Variants in CDH13 observed in about 807,000 individuals in gnomAD.
CDH13 encodes cadherin-13.
A neutral mutation model predicts 63.8 loss-of-function variants in CDH13; 24 were observed. That is an observed-to-expected ratio of 0.38 (90% CI 0.27 to 0.53). The LOEUF (loss-of-function observed/expected upper bound fraction) is 0.53. Among genes scored for constraint, CDH13 ranks in the 20% least tolerant of loss-of-function variants. The pLI, the probability that CDH13 is intolerant of heterozygous loss-of-function variation, is 0.85. For missense variants in CDH13, 1,049 were observed against 903.1 expected (o/e 1.16, Z -2.07); for synonymous variants, 503 against 355.3 (o/e 1.42, Z -4.67).
chr16:83,615,887 C>T (rs1909239925), intron 8 of CDH13, among the ~76,000 whole-genome samples: 1 of 152,218 alleles, frequency 6.6e-6, no homozygotes, highest in Non-Finnish European at 1.5e-5. Flanking sequence ...CTTCATTTCA[C>T]ATTTATCTTC....
chr16:83,478,524 C>T (rs1295025126), intron 6 of CDH13, among the ~76,000 whole-genome samples: 1 of 152,164 alleles, frequency 6.6e-6, no homozygotes, highest in East Asian at 1.9e-4. Flanking sequence ...GCTGGACCAC[C>T]ATATGAAAAT....
intron 3 of CDH13, among the ~76,000 whole-genome samples, chr16:83,124,150 A>G (rs896484399): frequency 2.6e-5 from 4 of 152,106 alleles, no homozygotes; most frequent in Middle Eastern, 3.4e-3. Context: ...GGTTCAAGCA[A>G]TTCTCCTGCC....
At chr16:83,264,517 T>C (rs1269118120) in intron 5 of CDH13, among the ~76,000 whole-genome samples, 3 of 148,124 alleles carry the variant, frequency 2.0e-5, no homozygotes, top group African/African-American at 5.0e-5. Flanking sequence ...TGTGTGTGTA[T>C]ATGTATATAT....
chr16:83,236,878 A>C (rs1248419617), intron 5 of CDH13, among the ~76,000 whole-genome samples: 1 of 152,086 alleles, frequency 6.6e-6, no homozygotes, highest in Non-Finnish European at 1.5e-5. Context: ...ATGTTTTGGA[A>C]CTAGACAGAG....
At chr16:83,691,496 C>T (rs1292848080) in intron 10 of CDH13, among the ~76,000 whole-genome samples, 3 of 152,090 alleles carry the variant, frequency 2.0e-5, no homozygotes, top group Non-Finnish European at 4.4e-5. Flanking sequence ...GGCACTGCTT[C>T]CTGAGAATCC....
chr16:83,490,225 C>T (rs904861282), intron 7 of CDH13, among the ~76,000 whole-genome samples: 1 of 152,128 alleles, frequency 6.6e-6, no homozygotes, highest in Non-Finnish European at 1.5e-5. Flanking sequence ...AGTGCATCTA[C>T]CAAGGAGGAC....
chr16:83,458,021 C>A (rs535999530), intron 6 of CDH13, among the ~76,000 whole-genome samples: 1 of 152,308 alleles, frequency 6.6e-6, no homozygotes, highest in Admixed American at 6.5e-5. Flanking sequence ...CTCTGGGTCT[C>A]TTAAGATGGC....
At chr16:83,218,455 C>G (rs2039602642) in intron 5 of CDH13, among the ~76,000 whole-genome samples, 1 of 146,278 alleles carries the variant, frequency 6.8e-6, no homozygotes, top group African/African-American at 2.6e-5. Context: ...TGAGTCCCAA[C>G]TTATACTCAA....
intron 3 of CDH13, among the ~76,000 whole-genome samples, chr16:83,039,865 C>T (rs963073897): frequency 6.6e-6 from 1 of 152,154 alleles, no homozygotes; most frequent in Non-Finnish European, 1.5e-5. Flanking sequence ...GTTCCACCTA[C>T]CCTATGGTCA....
intron 2 of CDH13, among the ~76,000 whole-genome samples, chr16:82,879,845 A>G (rs1415478749): frequency 7.0e-6 from 1 of 142,214 alleles, no homozygotes; most frequent in East Asian, 2.0e-4. Flanking sequence ...TGCAAATTAT[A>G]TTTGTGAATA....
At chr16:82,710,795 C>A (rs893983388) in intron 1 of CDH13, among the ~76,000 whole-genome samples, 7 of 147,546 alleles carry the variant, frequency 4.7e-5, no homozygotes, top group Admixed American at 6.8e-5. Context: ...ACAAATATAA[C>A]CTATAAGTAT....
At chr16:83,479,453 G>A (rs963017086) in intron 6 of CDH13, among the ~76,000 whole-genome samples, 17 of 152,074 alleles carry the variant, frequency 1.1e-4, no homozygotes, top group African/African-American at 2.9e-4. Flanking sequence ...TCAGGAGATC[G>A]AGACCATCCT....
At chr16:83,675,162 C>A (rs776435519) in intron 9 of CDH13, among the ~76,000 whole-genome samples, 1 of 152,280 alleles carries the variant, frequency 6.6e-6, no homozygotes, top group Non-Finnish European at 1.5e-5. Context: ...GGCCCAGCAA[C>A]AGACAAAGCA....
At chr16:83,700,737 C>A (rs1906095959) in intron 10 of CDH13, among the ~76,000 whole-genome samples, 1 of 152,150 alleles carries the variant, frequency 6.6e-6, no homozygotes, top group African/African-American at 2.4e-5. Flanking sequence ...AATTAAAAAT[C>A]ACCTTTAATC....
At chr16:83,289,517 A>G (rs1226002790) in intron 5 of CDH13, among the ~76,000 whole-genome samples, 1 of 152,238 alleles carries the variant, frequency 6.6e-6, no homozygotes, top group Non-Finnish European at 1.5e-5. Context: ...GCACTGCTCT[A>G]AAAGATCTCT....
chr16:83,322,402 C>G (rs555954661), intron 5 of CDH13, among the ~76,000 whole-genome samples: 4 of 152,292 alleles, frequency 2.6e-5, no homozygotes, highest in African/African-American at 9.6e-5. Context: ...TTCTCCAAAA[C>G]TAAAACGAAA....
At chr16:83,085,833 T>A (rs1043258475) in intron 3 of CDH13, among the ~76,000 whole-genome samples, 1 of 152,228 alleles carries the variant, frequency 6.6e-6, no homozygotes, top group African/African-American at 2.4e-5. Context: ...AAGCTCTTGA[T>A]GGGGAATAGT....
chr16:83,584,192 A>T (rs1305556607), intron 7 of CDH13, among the ~76,000 whole-genome samples: 1 of 152,088 alleles, frequency 6.6e-6, no homozygotes. Flanking sequence ...TTAGCCGGGC[A>T]TAGTGACAGG....
intron 6 of CDH13, among the ~76,000 whole-genome samples, chr16:83,450,950 G>A (rs144725039): frequency 2.0e-5 from 3 of 152,282 alleles, no homozygotes; most frequent in East Asian, 3.9e-4. Flanking sequence ...GGCATCCCCT[G>A]GAGGGCTTGT....
Sources: gnomAD v4.1 joint callset for allele counts (sites outside exome capture counted in the v4.1 genomes callset) on GRCh38, gnomAD v4.1.1 for gene constraint, MANE v1.5 for transcripts, NCBI Gene and HGNC (gene_info 2026-07-23, HGNC 2026-07-21) for gene names.